Variants in ASIC2 observed in about 807,000 individuals in gnomAD.
The protein encoded by ASIC2 is acid-sensing ion channel 2.
Under a neutral mutation model 57.3 loss-of-function variants are expected in ASIC2, and 25 were observed. The ratio of observed to expected loss-of-function variants is 0.44; its 90% CI spans 0.32 to 0.61. The LOEUF is 0.61. Among genes scored for constraint, ASIC2 ranks in the 20% least tolerant of loss-of-function variants. The pLI, the probability that ASIC2 is intolerant of heterozygous loss-of-function variation, is 0.06. For missense variants in ASIC2, 641 were observed against 738.1 expected (o/e 0.87, Z 1.52); for synonymous variants, 319 against 307.5 (o/e 1.04, Z -0.39).
intron 1 of ASIC2, among the ~76,000 whole-genome samples, chr17:34,086,579 A>C (rs1185665596): frequency 6.6e-6 from 1 of 152,130 alleles, no homozygotes; most frequent in African/African-American, 2.4e-5. Flanking sequence ...GCTGAGTTCA[A>C]TTCCTGGGTA....
intron 1 of ASIC2, among the ~76,000 whole-genome samples, chr17:33,820,233 T>C (rs1259625385): frequency 6.6e-6 from 1 of 152,264 alleles, no homozygotes; most frequent in African/African-American, 2.4e-5. Context: ...CAAGTTGATA[T>C]GTGAACCTCC....
chr17:33,409,429 T>C (rs571138133), intron 1 of ASIC2, among the ~76,000 whole-genome samples: 2 of 152,274 alleles, frequency 1.3e-5, no homozygotes, highest in South Asian at 2.1e-4. Context: ...CTTAACACCT[T>C]GTCTGAGAAA....
chr17:33,214,344 C>A lies in ASIC2; in HGVS notation c.708+77064G>T, dbSNP rs114210362. Reference sequence around the variant, plus strand: ...ACATAATACAACACTGGGCTGATGGCCTGAAGGCTGACTTCTCAGTGGCTG... The same window carrying A: ...ACATAATACAACACTGGGCTGATGGACTGAAGGCTGACTTCTCAGTGGCTG... On this transcript the variant is annotated intron_variant, in intron 1 of 9. Transcript: ENST00000225823. 2.8e-3 allele frequency among the ~76,000 whole-genome samples: 420 copies of A among 152,242 alleles called. 1 individual carries two copies. Among genetic ancestry groups the A allele is most frequent in the African/African-American group, 9.3e-3 (388 of 41,546 alleles).
chr17:33,361,012 C>A (rs1030199697), intron 1 of ASIC2, among the ~76,000 whole-genome samples: 6 of 152,192 alleles, frequency 3.9e-5, no homozygotes, highest in Non-Finnish European at 5.9e-5. Context: ...GCTTGGAGTG[C>A]TTTCAGATCT....
intron 1 of ASIC2, among the ~76,000 whole-genome samples, chr17:33,480,339 G>A (rs999373019): frequency 3.4e-4 from 52 of 152,118 alleles, no homozygotes; most frequent in African/African-American, 1.2e-3. Context: ...GATTTGGAGG[G>A]GTGGGGCTCA....
At chr17:33,266,793 C>T (rs1321608394) in intron 1 of ASIC2, among the ~76,000 whole-genome samples, 1 of 152,132 alleles carries the variant, frequency 6.6e-6, no homozygotes, top group Non-Finnish European at 1.5e-5. Flanking sequence ...TCGCAGATGT[C>T]AAGAAAGGCA....
At chr17:33,046,863 G>A (rs559753407) in intron 3 of ASIC2, among the ~76,000 whole-genome samples, 3 of 152,346 alleles carry the variant, frequency 2.0e-5, no homozygotes, top group South Asian at 2.1e-4. Context: ...GCTGGAGGCC[G>A]GGCAGAGTCG....
chr17:33,689,615 C>T (rs1353851535), intron 1 of ASIC2, among the ~76,000 whole-genome samples: 3 of 152,152 alleles, frequency 2.0e-5, no homozygotes, highest in East Asian at 3.9e-4. Context: ...GATGATTCCC[C>T]CTCACCCCAG....
chr17:34,015,190 C>T (rs187137892), intron 1 of ASIC2, among the ~76,000 whole-genome samples: 10 of 150,962 alleles, frequency 6.6e-5, no homozygotes, highest in Admixed American at 2.0e-4. Context: ...ACTACAGGGA[C>T]GAGCAACTAT....
At chr17:34,113,976 G>A (rs889519401) in intron 1 of ASIC2, among the ~76,000 whole-genome samples, 1 of 152,234 alleles carries the variant, frequency 6.6e-6, no homozygotes, top group Non-Finnish European at 1.5e-5. Flanking sequence ...TGAAGAGCTT[G>A]AGGCACCAGA....
At chr17:34,094,243 A>T (rs1164116864) in intron 1 of ASIC2, among the ~76,000 whole-genome samples, 1 of 152,134 alleles carries the variant, frequency 6.6e-6, no homozygotes, top group East Asian at 1.9e-4. Flanking sequence ...CAATCCTTCC[A>T]CTGGCCCTTA....
rs1254147021 is a variant in ASIC2, at chr17:34,015,068, C to T, written c.555+140910G>A. On this transcript the variant is annotated intron_variant, in intron 1 of 9. Transcript: ENST00000359872. ...CTTCGCTAATTTTTCTTTCTTCTGC[C>T]TTTTTTTTTTTTTTTTTTTTTGTAG... is the stretch of plus-strand genomic sequence containing the variant. Among the ~76,000 whole-genome samples, 141 of 129,644 alleles carry T rather than the reference C, an allele frequency of 1.1e-3. 1 individual carries two copies. The highest frequency in any genetic ancestry group is 1.7e-3 in the Non-Finnish European group (101 of 60,852). The allele number at this position is 129,644 out of a possible 152,430, so 85.1% of individuals were successfully genotyped here. A position where few individuals can be genotyped will look rare whatever the true frequency, so the allele number is the denominator to read the frequency against.
chr17:34,069,153 GC>G (rs1206732821), intron 1 of ASIC2, among the ~76,000 whole-genome samples: 4 of 151,934 alleles, frequency 2.6e-5, no homozygotes, highest in Non-Finnish European at 5.9e-5. Flanking sequence ...GCTGGCAAAC[GC>G]TAAAAATTTA....
At chr17:33,691,073 C>G (rs1356428660) in intron 1 of ASIC2, among the ~76,000 whole-genome samples, 1 of 152,104 alleles carries the variant, frequency 6.6e-6, no homozygotes, top group Non-Finnish European at 1.5e-5. Flanking sequence ...TCATTCTTAA[C>G]AGTTAAATAG....
intron 1 of ASIC2, among the ~76,000 whole-genome samples, chr17:33,126,175 G>T (rs1200144499): frequency 6.6e-6 from 1 of 152,196 alleles, no homozygotes. Context: ...ACTTGCAGAG[G>T]CATCACGGAC....
chr17:33,131,046 G>A (rs1412650289), intron 1 of ASIC2, among the ~76,000 whole-genome samples: 1 of 152,154 alleles, frequency 6.6e-6, no homozygotes, highest in Non-Finnish European at 1.5e-5. Flanking sequence ...CAGGGTTGTT[G>A]GAGAATTAAA....
chr17:33,228,350 A>G (rs1907962399), intron 1 of ASIC2, among the ~76,000 whole-genome samples: 1 of 152,216 alleles, frequency 6.6e-6, no homozygotes, highest in South Asian at 2.1e-4. Flanking sequence ...TCACAATTGA[A>G]AAAAAAGAAG....
chr17:33,672,255 G>T (rs1359390028), intron 1 of ASIC2, among the ~76,000 whole-genome samples: 10 of 152,108 alleles, frequency 6.6e-5, no homozygotes, highest in Non-Finnish European at 1.5e-4. Flanking sequence ...AAGCAACTGT[G>T]CAGGAAGGAA....
rs369672388 is a variant in ASIC2 at position 33,432,461 on chromosome 17, C to T, written c.556-320394G>A. 1.2e-4 allele frequency among the ~76,000 whole-genome samples: 19 copies of T among 152,052 alleles called. No individual in the cohort carries two copies. In the South Asian group the frequency reaches 3.5e-3, roughly 28 times the overall value. Reference sequence around the variant, plus strand: ...GGAGGATCGCTTGAGCCCAGGAGGTCGAAGCTGCTGTGAGCCATGATCCCT... The same window carrying T: ...GGAGGATCGCTTGAGCCCAGGAGGTTGAAGCTGCTGTGAGCCATGATCCCT... On this transcript the variant is annotated intron_variant, in intron 1 of 9. Coordinates refer to the ASIC2 transcript ENST00000359872.
Sources: gnomAD v4.1 joint callset for allele counts (sites outside exome capture counted in the v4.1 genomes callset) on GRCh38, gnomAD v4.1.1 for gene constraint, MANE v1.5 for transcripts, NCBI Gene and HGNC (gene_info 2026-07-23, HGNC 2026-07-21) for gene names.